Variants in KRABD3 observed in about 807,000 individuals in gnomAD.
The protein encoded by KRABD3 is KRAB domain-containing protein 3.
the KRABD3 span, among the ~76,000 whole-genome samples, chr7:149,718,799 G>A: frequency 6.6e-6 from 1 of 152,214 alleles, no homozygotes; most frequent in Non-Finnish European, 1.5e-5. Flanking sequence ...ACAGGCGTGA[G>A]CCACCACACC....
chr7:149,724,687 G>T, the KRABD3 span: 1 of 1,548,282 alleles, frequency 6.5e-7, no homozygotes. Flanking sequence ...TCCCCATCCT[G>T]ATCTTGGAGC....
At chr7:149,725,329 A>T in the KRABD3 span, 1 of 1,592,558 alleles carries the variant, frequency 6.3e-7, no homozygotes, top group Non-Finnish European at 8.5e-7. Flanking sequence ...CAGTGCCTCA[A>T]GCTCACCGCT....
At chr7:149,722,261 T>G in the KRABD3 span, 1 of 429,944 alleles carries the variant, frequency 2.3e-6, no homozygotes, top group Middle Eastern at 1.2e-3. Flanking sequence ...GTCTTGCTGT[T>G]TCCAGTTAAA....
the KRABD3 span, chr7:149,721,394 G>A: frequency 1.9e-6 from 3 of 1,591,572 alleles, no homozygotes; most frequent in Non-Finnish European, 2.6e-6. Context: ...TGCGGCAAGA[G>A]AGCCCTGCCC....
the KRABD3 span, chr7:149,722,554 G>T: frequency 6.2e-7 from 1 of 1,605,766 alleles, no homozygotes. Flanking sequence ...TCAGAGGCCG[G>T]TGAGAGGCGG....
At chr7:149,732,035 G>A in the KRABD3 span, among the ~76,000 whole-genome samples, 2 of 152,220 alleles carry the variant, frequency 1.3e-5, no homozygotes, top group South Asian at 4.1e-4. The surrounding 1 kb of genome is among the most constrained non-coding windows in gnomAD (Gnocchi z 4.0). Flanking sequence ...TTAGAGAATA[G>A]GTGAGGAAAC....
At chr7:149,715,184 T>G in the KRABD3 span, 2 of 1,223,668 alleles carry the variant, frequency 1.6e-6, no homozygotes, top group Non-Finnish European at 2.0e-6. Flanking sequence ...TGGGCAGGCC[T>G]GATGCTCAGG....
chr7:149,724,716 G>A, the KRABD3 span: 1 of 1,551,238 alleles, frequency 6.4e-7, no homozygotes, highest in Non-Finnish European at 8.7e-7. Flanking sequence ...TGCTCTCTGT[G>A]AAGATGGAGA....
chr7:149,734,061 C>A, the KRABD3 span: 1 of 1,586,306 alleles, frequency 6.3e-7, no homozygotes. Context: ...CATTCCTCTT[C>A]TCCACATCTG....
chr7:149,733,802 C>A, the KRABD3 span: 4 of 1,604,714 alleles, frequency 2.5e-6, no homozygotes, highest in Non-Finnish European at 3.4e-6. Context: ...TGCACACCCC[C>A]TCCTCGCACA....
At chr7:149,724,623 T>C in the KRABD3 span, 18 of 1,482,950 alleles carry the variant, frequency 1.2e-5, no homozygotes, top group Non-Finnish European at 1.6e-5. Flanking sequence ...GGCCTGAACC[T>C]TGGGCTTCCC....
the KRABD3 span, chr7:149,734,226 G>T: frequency 3.8e-6 from 3 of 792,248 alleles, no homozygotes; most frequent in Non-Finnish European, 5.9e-6. Context: ...TGCTCAGGAG[G>T]CTGCTGTGGG....
chr7:149,730,154 C>T, the KRABD3 span: 1 of 1,525,856 alleles, frequency 6.6e-7, no homozygotes, highest in Non-Finnish European at 8.8e-7. Context: ...CAGGGTCTGC[C>T]CCCAAGCCCT....
chr7:149,732,694 A>G, the KRABD3 span, among the ~76,000 whole-genome samples: 2 of 152,130 alleles, frequency 1.3e-5, no homozygotes, highest in Admixed American at 1.3e-4. This position sits in a 1 kb window ranked among gnomAD's most constrained non-coding sequence, Gnocchi z 4.0. Flanking sequence ...AGGGGGTGGG[A>G]ACCCTTGTGG....
At chr7:149,719,026 C>G in the KRABD3 span, among the ~76,000 whole-genome samples, 1 of 152,180 alleles carries the variant, frequency 6.6e-6, no homozygotes, top group Non-Finnish European at 1.5e-5. This position sits in a 1 kb window ranked among gnomAD's most constrained non-coding sequence, Gnocchi z 5.6. Context: ...AGAATGTCTT[C>G]TCTCACAGCC....
At chr7:149,733,728 G>T in the KRABD3 span, 1 of 1,582,170 alleles carries the variant, frequency 6.3e-7, no homozygotes, top group Middle Eastern at 1.7e-4. Flanking sequence ...GAACCTCCTG[G>T]GCTCCACTGC....
chr7:149,728,035 G>A, the KRABD3 span, among the ~76,000 whole-genome samples: 1 of 152,234 alleles, frequency 6.6e-6, no homozygotes, highest in Non-Finnish European at 1.5e-5. Flanking sequence ...CCTGTTACTC[G>A]CACAGCTGTC....
the KRABD3 span, chr7:149,725,921 G>A: frequency 6.3e-7 from 1 of 1,597,472 alleles, no homozygotes; most frequent in East Asian, 2.3e-5. Context: ...CTCTGGGTCT[G>A]CAGAGCTGTG....
chr7:149,730,509 G>A, the KRABD3 span: 2 of 1,611,058 alleles, frequency 1.2e-6, no homozygotes. Flanking sequence ...AGCAGTGGCG[G>A]CAGCCCTGGT....
Sources: allele counts gnomAD v4.1 joint callset (sites outside exome capture counted in the v4.1 genomes callset), GRCh38; gene constraint gnomAD v4.1.1; non-coding constraint Gnocchi (gnomAD v3.1); transcripts MANE v1.5; gene names NCBI Gene and HGNC (gene_info 2026-07-23, HGNC 2026-07-21).